Variants in AHNAK observed in about 807,000 individuals in gnomAD.
AHNAK encodes the protein AHNAK nucleoprotein.
In AHNAK, 23 loss-of-function variants were observed where a neutral mutation model predicts 37.8. The observed-to-expected ratio is 0.61, with a 90% CI of 0.44 to 0.86. AHNAK has a LOEUF of 0.86. AHNAK is among the 40% of genes least tolerant of loss of function. AHNAK has a pLI of 0.00. For synonymous variants in AHNAK, 2,481 were observed against 2,636.3 expected (o/e 0.94, Z 1.80); for missense variants, 7,411 against 7,319.4 (o/e 1.01, Z -0.46).
Position 62,524,032 on chromosome 11 carries a change from T to C in AHNAK, c.10385A>G (p.Asp3462Gly), listed in dbSNP as rs776099528. The C allele has an allele frequency of 2.5e-6, 4 of 1,614,176 alleles. No individual in the cohort carries two copies. Among genetic ancestry groups the C allele is most frequent in the Non-Finnish European group, 3.4e-6 (4 of 1,180,032 alleles). Residue 3462 changes from aspartate (D) to glycine (G), a missense_variant, in exon 5 of 5, where the codon GAT becomes GGT. Transcript: ENST00000378024. ...CCAGTCTGGACCATGAACATCCACA[T>C]CAGGTGCATTAAGATTGACTTCTGG... is the stretch of plus-strand genomic sequence containing the variant. ...KAPEVNLNAP[D>G]VDVHGPDWNL...
chr11:62,543,462 T>C (rs1232902578), intron 1 of AHNAK, among the ~76,000 whole-genome samples: 1 of 152,214 alleles, frequency 6.6e-6, no homozygotes, highest in Non-Finnish European at 1.5e-5. Flanking sequence ...AGCTGTGACA[T>C]GGTGGTCACA....
intron 1 of AHNAK, among the ~76,000 whole-genome samples, chr11:62,542,268 T>G (rs185561524): frequency 6.6e-6 from 1 of 152,132 alleles, no homozygotes; most frequent in East Asian, 1.9e-4. Context: ...TGCAGGTCCC[T>G]ATGCCTGTTT....
chr11:62,546,208 G>C (rs868637785), intron 1 of AHNAK: 2 of 155,546 alleles, frequency 1.3e-5, no homozygotes, highest in Non-Finnish European at 2.8e-5. Flanking sequence ...CGCACGGTGC[G>C]GGGTCGCGGA....
chr11:62,443,043 C>T (rs1938344244), intron 5 of AHNAK, among the ~76,000 whole-genome samples: 1 of 151,186 alleles, frequency 6.6e-6, no homozygotes, highest in Admixed American at 6.6e-5. Flanking sequence ...GTGATCTTGG[C>T]TCACTGCAAC....
At position 62,532,348 on chromosome 11, in the gene AHNAK, A is replaced by G. The variant is rs550033238; in HGVS notation, c.2069T>C (p.Met690Thr). 12 of 1,614,182 alleles carry G rather than the reference A, an allele frequency of 7.4e-6. No homozygotes were observed. Among genetic ancestry groups the G allele is most frequent in the South Asian group, 5.5e-5 (5 of 91,080 alleles). The change falls in exon 5 of 5, where the codon ATG becomes ACG. Residue 690 changes from methionine to threonine, a missense_variant. Physicochemically the swap from Met to Thr is moderately conservative, Grantham distance 81. Coordinates refer to ENST00000378024, the MANE Select transcript of AHNAK (RefSeq NM_001620.3). Reference protein sequence around the residue: ...LKGPDVKLPDMSVKTPKISMP... With the variant: ...LKGPDVKLPDTSVKTPKISMP... ...GGAGATCTTTGGTGTCTTGACACTC[A>G]TATCAGGCAGCTTAACATCGGGGCC... is the stretch of plus-strand genomic sequence containing the variant.
rs781717532 is a variant in AHNAK, at chr11:62,528,526, T to G, written c.5891A>C (p.Glu1964Ala). 1 of 1,611,862 alleles carries G rather than the reference T, an allele frequency of 6.2e-7. No homozygotes were observed. Among genetic ancestry groups the G allele is most frequent in the East Asian group, 2.2e-5 (1 of 44,474 alleles). Residue 1964 changes from glutamate (E) to alanine (A), a missense_variant, in exon 5 of 5, where the codon GAG becomes GCG. Transcript: ENST00000378024. ...CAACTTTGCATCAGGACACTCCAGC[T>G]CAACATCAGGCACCTCCACACCCAC... ...PSVGVEVPDV[E>A]LECPDAKLKG...
At position 62,525,540 on chromosome 11, in the gene AHNAK, T is replaced by G; in HGVS notation, c.8877A>C (p.Lys2959Asn). 1 of 1,613,998 alleles carries G rather than the reference T, an allele frequency of 6.2e-7. No individual in the cohort carries two copies. The highest frequency in any genetic ancestry group is 8.5e-7 in the Non-Finnish European group (1 of 1,179,986). Residue 2959 changes from lysine (K) to asparagine (N), a missense_variant, in exon 5 of 5, where the codon AAA (lysine) becomes AAC (asparagine). Lys to Asn is a moderately conservative substitution (Grantham distance 94). Coordinates refer to ENST00000378024, the MANE Select transcript of AHNAK (RefSeq NM_001620.3). ...AGTCAGGCATGGGGATCTTGGGGGCTTTGATATTCATCTCTGGCATCTTGA... is the reference window on the plus strand; with the variant it reads ...AGTCAGGCATGGGGATCTTGGGGGCGTTGATATTCATCTCTGGCATCTTGA... ...PKFKMPEMNI[K>N]APKIPMPDFD...
chr11:62,530,100 G>C lies in AHNAK; in HGVS notation c.4317C>G (p.Phe1439Leu). ...GPDAKLKGPKFKMPEMSIKPQ... is the reference protein window; with the variant it reads ...GPDAKLKGPKLKMPEMSIKPQ... The stretch of plus-strand genomic sequence containing the variant: ...GCTTTATACTCATTTCTGGCATCTT[G>C]AATTTGGGACCTTTTAGTTTTGCGT... The change falls in exon 5 of 5, where the codon TTC (phenylalanine) becomes TTG (leucine). Residue 1439 changes from phenylalanine (F) to leucine (L), a missense_variant. Coordinates refer to ENST00000378024, the MANE Select transcript of AHNAK (RefSeq NM_001620.3). 6.2e-7 allele frequency: 1 copy of C among 1,614,020 alleles called. No homozygotes were observed. Among genetic ancestry groups the C allele is most frequent in the Middle Eastern group, 1.7e-4 (1 of 6,060 alleles).
At chr11:62,493,157 C>A (rs1428717162) in intron 4 of AHNAK, among the ~76,000 whole-genome samples, 1 of 150,848 alleles carries the variant, frequency 6.6e-6, no homozygotes, top group African/African-American at 2.4e-5. Context: ...GGATTACAGG[C>A]GTGTGTCACC....
chr11:62,449,785 C>T (rs1364695799), intron 5 of AHNAK, among the ~76,000 whole-genome samples: 2 of 152,232 alleles, frequency 1.3e-5, no homozygotes, highest in African/African-American at 4.8e-5. Context: ...GCTTGGTGAA[C>T]TCTCCTAGCC....
chr11:62,440,346 A>G (rs192860554), intron 5 of AHNAK, among the ~76,000 whole-genome samples: 11 of 152,238 alleles, frequency 7.2e-5, no homozygotes, highest in African/African-American at 2.6e-4. Context: ...CAGGAAGTCA[A>G]AATTCCAGGG....
chr11:62,519,409 G>A lies in AHNAK; in HGVS notation c.15008C>T (p.Ala5003Val). The A allele has an allele frequency of 6.2e-7, 1 of 1,613,190 alleles. No individual in the cohort carries two copies. Among genetic ancestry groups the A allele is most frequent in the Non-Finnish European group, 8.5e-7 (1 of 1,179,592 alleles). ...SPSLDVTVPE[A>V]ELNLETPEIS... is the part of the protein sequence containing the mutation. Reference sequence around the variant, plus strand: ...TTCAGGAGTCTCAAGGTTCAGCTCTGCCTCAGGAACAGTGACATCCAGTGA... The same window carrying A: ...TTCAGGAGTCTCAAGGTTCAGCTCTACCTCAGGAACAGTGACATCCAGTGA... The change falls in exon 5 of 5, where the codon GCA (alanine) becomes GTA (valine). Residue 5003 changes from alanine (A) to valine (V), a missense_variant. Transcript: ENST00000378024.
chr11:62,535,482 C>G (rs1204446061), intron 3 of AHNAK, among the ~76,000 whole-genome samples: 4 of 152,044 alleles, frequency 2.6e-5, no homozygotes, highest in Non-Finnish European at 5.9e-5. Context: ...AACCCCGTCT[C>G]TACTAAAAAT....
At chr11:62,499,638 C>A (rs886661244) in intron 4 of AHNAK, among the ~76,000 whole-genome samples, 1 of 152,190 alleles carries the variant, frequency 6.6e-6, no homozygotes, top group African/African-American at 2.4e-5. Context: ...GACTGTGAAC[C>A]AAGCCACAAA....
chr11:62,450,860 G>A (rs1344780869), intron 5 of AHNAK, among the ~76,000 whole-genome samples: 2 of 152,240 alleles, frequency 1.3e-5, no homozygotes, highest in African/African-American at 4.8e-5. Flanking sequence ...AATATTAAAA[G>A]GTTGTTACAT....
At chr11:62,506,747 C>G (rs1002713802) in intron 4 of AHNAK, among the ~76,000 whole-genome samples, 1 of 152,204 alleles carries the variant, frequency 6.6e-6, no homozygotes. Flanking sequence ...TAGTTTCTCC[C>G]TTGTTTATTA....
intron 5 of AHNAK, among the ~76,000 whole-genome samples, chr11:62,470,615 A>T (rs529513358): frequency 7.2e-5 from 11 of 152,192 alleles, no homozygotes; most frequent in African/African-American, 2.6e-4. Context: ...AAAAACAAAA[A>T]ACAAAAAACA....
intron 5 of AHNAK, among the ~76,000 whole-genome samples, chr11:62,480,882 T>A (rs1309609458): frequency 7.0e-6 from 1 of 143,854 alleles, no homozygotes; most frequent in Admixed American, 7.2e-5. Flanking sequence ...CGTGAAGAAA[T>A]GCTCGTTGCC....
chr11:62,478,739 A>G (rs756350291), intron 5 of AHNAK, among the ~76,000 whole-genome samples: 10 of 123,356 alleles, frequency 8.1e-5, no homozygotes, highest in Non-Finnish European at 1.5e-4. Context: ...TGACAGAATG[A>G]GACCCTGCCT....
Sources: allele counts gnomAD v4.1 joint callset (sites outside exome capture counted in the v4.1 genomes callset), GRCh38; gene constraint gnomAD v4.1.1; transcripts MANE v1.5; gene names NCBI Gene and HGNC (gene_info 2026-07-23, HGNC 2026-07-21).